Variants in ETFA observed in about 807,000 individuals in gnomAD.
ETFA encodes electron transfer flavoprotein subunit alpha.
A neutral mutation model predicts 46.2 loss-of-function variants in ETFA; 22 were observed. That is an observed-to-expected ratio of 0.48 (90% CI 0.34 to 0.68). The LOEUF (loss-of-function observed/expected upper bound fraction) is 0.68. Among genes scored for constraint, ETFA ranks in the 30% least tolerant of loss-of-function variants. The pLI is 0.01. For synonymous variants in ETFA, 131 were observed against 139.9 expected (o/e 0.94, Z 0.45); for missense variants, 345 against 401.1 (o/e 0.86, Z 1.19).
At chr15:76,255,385 A>G (rs541959405) in intron 9 of ETFA, among the ~76,000 whole-genome samples, 2 of 152,364 alleles carry the variant, frequency 1.3e-5, no homozygotes, top group African/African-American at 4.8e-5. Context: ...AAGCTAGAAA[A>G]GAAAAAGTCA....
At chr15:76,231,712 T>C (rs1420430323) in intron 9 of ETFA, among the ~76,000 whole-genome samples, 1 of 152,182 alleles carries the variant, frequency 6.6e-6, no homozygotes, top group African/African-American at 2.4e-5. Flanking sequence ...ACCTGTGAGG[T>C]AGCATTTTTC....
At chr15:76,283,863 A>G (rs2039679478) in intron 7 of ETFA, 38 bp from the exon 8 acceptor site, 3 of 1,417,990 alleles carry the variant, frequency 2.1e-6, no homozygotes, top group African/African-American at 1.4e-5. Flanking sequence ...TTAGGCAAAC[A>G]TCAAATACAT....
intron 9 of ETFA, among the ~76,000 whole-genome samples, chr15:76,273,249 G>C (rs998862938): frequency 2.6e-5 from 4 of 152,056 alleles, no homozygotes; most frequent in Admixed American, 1.3e-4. Context: ...CAAAAGACTT[G>C]AACAAATACT....
intron 1 of ETFA, among the ~76,000 whole-genome samples, chr15:76,308,440 G>A (rs1360474447): frequency 6.6e-6 from 1 of 152,172 alleles, no homozygotes; most frequent in Non-Finnish European, 1.5e-5. Flanking sequence ...CCAACATTAA[G>A]TACCTGCTAA....
intron 1 of ETFA, among the ~76,000 whole-genome samples, chr15:76,296,222 C>T (rs2039821695): frequency 1.3e-5 from 2 of 152,070 alleles, no homozygotes; most frequent in Admixed American, 6.6e-5. Flanking sequence ...GCTGGGATTA[C>T]AGGCATGCGC....
In ETFA at chr15:76,288,613, T is replaced by C. The variant is rs2039723692; in HGVS notation, c.352-668A>G. ...CCCAGCTACTCAGGAGGCTGAGGCA[T>C]GAGAATGAGAATTGCTTGAACCTGG... On this transcript the variant is annotated intron_variant, in intron 4 of 11. Transcript: ENST00000557943. Among the ~76,000 whole-genome samples, 3 of 150,674 alleles carry C rather than the reference T, an allele frequency of 2.0e-5. No individual in the cohort carries two copies. The Admixed American group carries it at 2.0e-4, about 10-fold the overall frequency.
At chr15:76,232,362 A>G (rs1003709609) in intron 9 of ETFA, among the ~76,000 whole-genome samples, 2 of 152,230 alleles carry the variant, frequency 1.3e-5, no homozygotes, top group African/African-American at 2.4e-5. Flanking sequence ...ACCTTTTCCC[A>G]CAGAAAAACT....
At position 76,244,664 on chromosome 15, in the gene ETFA, GAA is replaced by G. The variant is rs74311158; in HGVS notation, c.817-13268_817-13267del. Among the ~76,000 whole-genome samples, 78 of 141,952 alleles carry G rather than the reference GAA, an allele frequency of 5.5e-4. 1 individual carries two copies. Among genetic ancestry groups the G allele is most frequent in the African/African-American group, 1.6e-3 (60 of 38,472 alleles). 93.1% of individuals were successfully genotyped at this position (141,952 alleles called of 152,430 possible). ...TGAGAAAATACATTGGTTTTTATAGGAAAAAAAAAAAACAAAATTACATAGAA... is the reference window on the plus strand; with the variant it reads ...TGAGAAAATACATTGGTTTTTATAGGAAAAAAAAAACAAAATTACATAGAA... On this transcript the variant is annotated intron_variant, in intron 9 of 11. Transcript: ENST00000557943.
intron 9 of ETFA, among the ~76,000 whole-genome samples, chr15:76,256,857 T>C (rs1243319518): frequency 6.6e-6 from 1 of 152,204 alleles, no homozygotes; most frequent in Non-Finnish European, 1.5e-5. Context: ...TATTTTACAA[T>C]TGTCTACAGT....
At chr15:76,262,329 GA>G (rs201202605) in intron 9 of ETFA, among the ~76,000 whole-genome samples, 2 of 148,000 alleles carry the variant, frequency 1.4e-5, no homozygotes, top group Non-Finnish European at 1.5e-5. Flanking sequence ...CAAAAGTGAG[GA>G]AAAAAAAATG....
intron 9 of ETFA, among the ~76,000 whole-genome samples, chr15:76,272,346 C>T (rs1194602297): frequency 6.6e-6 from 1 of 151,794 alleles, no homozygotes; most frequent in Non-Finnish European, 1.5e-5. Flanking sequence ...TCAACCCCCA[C>T]AGTAGCTGGG....
intron 7 of ETFA, among the ~76,000 whole-genome samples, chr15:76,284,044 T>C (rs967009013): frequency 6.6e-6 from 1 of 152,236 alleles, no homozygotes; most frequent in Non-Finnish European, 1.5e-5. Context: ...GTGTAATTAA[T>C]ATGAGTTTTT....
intron 4 of ETFA, among the ~76,000 whole-genome samples, chr15:76,290,463 G>C (rs549070322): frequency 2.0e-5 from 3 of 148,130 alleles, no homozygotes; most frequent in African/African-American, 7.4e-5. Context: ...TCCCACTTCA[G>C]CCTCCCAAGT....
intron 1 of ETFA, among the ~76,000 whole-genome samples, chr15:76,303,070 C>T (rs372549176): frequency 1.3e-5 from 2 of 152,052 alleles, no homozygotes; most frequent in East Asian, 3.9e-4. Context: ...TTTGAGAGGC[C>T]GAGGCGAGTG....
At chr15:76,257,927 C>A (rs553267734) in intron 9 of ETFA, among the ~76,000 whole-genome samples, 86 of 147,808 alleles carry the variant, frequency 5.8e-4, no homozygotes, top group Non-Finnish European at 1.6e-4. Flanking sequence ...GACAAAAAAA[C>A]CAAACAACGC....
At chr15:76,254,036 T>C (rs1408972211) in intron 9 of ETFA, among the ~76,000 whole-genome samples, 2 of 152,170 alleles carry the variant, frequency 1.3e-5, no homozygotes, top group African/African-American at 4.8e-5. Context: ...GGAGGCAGAA[T>C]CCTGTAAGGG....
intron 10 of ETFA, chr15:76,227,967 G>A (rs935448204): frequency 1.3e-5 from 6 of 456,034 alleles, no homozygotes; most frequent in Admixed American, 1.2e-4. Context: ...AGTTTCAAAC[G>A]TGAGCCTCAA....
At chr15:76,231,008 T>C (rs1375822160) in intron 10 of ETFA, 2 of 268,328 alleles carry the variant, frequency 7.5e-6, no homozygotes, top group East Asian at 1.7e-4. Context: ...CAGATTGTGA[T>C]AGCTGAAGGG....
intron 4 of ETFA, among the ~76,000 whole-genome samples, chr15:76,290,522 T>C (rs1375304707): frequency 6.6e-6 from 1 of 151,724 alleles, no homozygotes; most frequent in Non-Finnish European, 1.5e-5. Context: ...TTTTTTTTTT[T>C]CATTTTTTTG....
Sources: gnomAD v4.1 joint callset for allele counts (sites outside exome capture counted in the v4.1 genomes callset) on GRCh38, gnomAD v4.1.1 for gene constraint, MANE v1.5 for transcripts, NCBI Gene and HGNC (gene_info 2026-07-23, HGNC 2026-07-21) for gene names.